Variants in GMCL1 observed in about 807,000 individuals in gnomAD.
The protein encoded by GMCL1 is germ cell-less protein-like 1.
GMCL1 carries 54 observed loss-of-function variants against 75.5 expected under a neutral mutation model. The observed-to-expected ratio is 0.71, with a 90% CI of 0.57 to 0.90. The LOEUF is 0.90. GMCL1 is among the 40% of genes least tolerant of loss of function. GMCL1 has a pLI of 0.00. For missense variants in GMCL1, 537 were observed against 622.7 expected (o/e 0.86, Z 1.47); for synonymous variants, 210 against 209.6 (o/e 1.00, Z -0.02).
At chr2:69,843,036 CTTTCT>C (rs2103962420) in intron 4 of GMCL1, 108 bp from the exon 5 acceptor site, 1 of 282,906 alleles carries the variant, frequency 3.5e-6, no homozygotes, top group Non-Finnish European at 6.4e-6. Context: ...AATGAGTTTT[CTTTCT>C]TTTCTTTCTT....
intron 13 of GMCL1, among the ~76,000 whole-genome samples, chr2:69,874,541 G>A (rs1045718276): frequency 8.6e-5 from 13 of 151,720 alleles, no homozygotes; most frequent in Non-Finnish European, 1.2e-4. Flanking sequence ...GAGCCACCGC[G>A]CCTGGCCCTT....
At chr2:69,878,691 T>C (rs559518746) in intron 13 of GMCL1, among the ~76,000 whole-genome samples, 1 of 152,326 alleles carries the variant, frequency 6.6e-6, no homozygotes, top group Admixed American at 6.5e-5. Context: ...TATTATCTCT[T>C]GTAATCCTCC....
At chr2:69,862,888 A>C in intron 10 of GMCL1, among the ~76,000 whole-genome samples, 1 of 152,222 alleles carries the variant, frequency 6.6e-6, no homozygotes, top group East Asian at 1.9e-4. Flanking sequence ...GGAATTCAGA[A>C]CTGAAGCATT....
rs765730017 is a variant in GMCL1 at position 69,829,938 on chromosome 2, C to T, written c.46C>T (p.Leu16Phe). The T allele has an allele frequency of 1.2e-6, 2 of 1,603,780 alleles. No individual in the cohort carries two copies. Among genetic ancestry groups the T allele is most frequent in the Non-Finnish European group, 1.7e-6 (2 of 1,175,376 alleles). The change falls in exon 1 of 14, where the codon CTT becomes TTT. Residue 16 changes from leucine to phenylalanine, a missense_variant. This residue lies in a region of GMCL1 where 144 missense variants were observed against 127.2 expected (regional missense o/e 1.13). Transcript: ENST00000282570. ...GGTGCTGCGCCAGCCAAGACCAGCC[C>T]TTGCCCAGCAGGCGCAGGGTGCCAG... The part of the protein sequence containing the change: ...SRVLRQPRPA[L>F]AQQAQGARAG...
chr2:69,830,730 T>C (rs1055402846), intron 1 of GMCL1, among the ~76,000 whole-genome samples: 1 of 151,416 alleles, frequency 6.6e-6, no homozygotes, highest in Non-Finnish European at 1.5e-5. Flanking sequence ...ATGTACTGTA[T>C]GTAGGGCGGT....
At chr2:69,839,305 G>A in intron 2 of GMCL1, 152 bp from the exon 3 acceptor site, 1 of 516,422 alleles carries the variant, frequency 1.9e-6, no homozygotes, top group East Asian at 2.9e-5. Context: ...CTTTTCTCCT[G>A]TGGACATATT....
At chr2:69,877,517 C>T (rs1451982601) in intron 13 of GMCL1, among the ~76,000 whole-genome samples, 1 of 152,174 alleles carries the variant, frequency 6.6e-6, no homozygotes, top group Non-Finnish European at 1.5e-5. Flanking sequence ...TGTGCCTTCA[C>T]CCAGATTATT....
In GMCL1 at chr2:69,859,870, G is replaced by A. The variant is rs146731272; in HGVS notation, c.1073-1408G>A. ...ACAATCCAGATTTTAATTGCACTAC[G>A]ATTTCTACCCCTCTTTTACATAGAG... On this transcript the variant is annotated intron_variant, in intron 9 of 13. Transcript: ENST00000282570. 4.5e-3 allele frequency among the ~76,000 whole-genome samples: 685 copies of A among 151,624 alleles called. 7 individuals carry two copies. Among genetic ancestry groups the A allele is most frequent in the African/African-American group, 0.014 (586 of 41,314 alleles).
chr2:69,866,305 G>C (rs1032276962), intron 11 of GMCL1, among the ~76,000 whole-genome samples: 2 of 150,480 alleles, frequency 1.3e-5, no homozygotes, highest in Non-Finnish European at 3.0e-5. Flanking sequence ...ATCCACTAAT[G>C]AGACATGAAC....
chr2:69,852,273 G>C (rs1558543211), intron 8 of GMCL1, among the ~76,000 whole-genome samples: 1 of 152,188 alleles, frequency 6.6e-6, no homozygotes, highest in Non-Finnish European at 1.5e-5. Flanking sequence ...AGAAACTAGA[G>C]AAGCAAGCTG....
chr2:69,837,156 A>G (rs898108176), intron 1 of GMCL1, among the ~76,000 whole-genome samples: 4 of 152,196 alleles, frequency 2.6e-5, no homozygotes, highest in African/African-American at 4.8e-5. Context: ...TTATTGCGCT[A>G]TTTGAGCTCC....
At chr2:69,856,655 T>G (rs1431544841) in intron 9 of GMCL1, among the ~76,000 whole-genome samples, 2 of 146,710 alleles carry the variant, frequency 1.4e-5, no homozygotes, top group African/African-American at 5.0e-5. Context: ...TTTTTTTTTT[T>G]TTTTTTTTTT....
chr2:69,842,958 T>C (rs888722703), intron 4 of GMCL1, 191 bp from the exon 5 acceptor site: 6 of 371,080 alleles, frequency 1.6e-5, no homozygotes, highest in African/African-American at 1.1e-4. Flanking sequence ...GAATACTTGC[T>C]GAACTTTTTT....
intron 6 of GMCL1, chr2:69,844,835 C>T (rs1388174274): frequency 2.6e-6 from 1 of 378,218 alleles, no homozygotes; most frequent in Non-Finnish European, 5.6e-6. Flanking sequence ...TCACCGTCAC[C>T]TCCTGGTACA....
chr2:69,837,693 T>A, intron 2 of GMCL1, 23 bp downstream of exon 2: 1 of 1,589,496 alleles, frequency 6.3e-7, no homozygotes, highest in Non-Finnish European at 8.5e-7. Context: ...TCTATTTGAG[T>A]AACAGGGTAG....
chr2:69,846,700 C>T (rs950176989), intron 6 of GMCL1, among the ~76,000 whole-genome samples: 4 of 152,184 alleles, frequency 2.6e-5, no homozygotes, highest in African/African-American at 9.7e-5. Flanking sequence ...ATCATTTTCA[C>T]TCTAAATAAC....
chr2:69,850,311 G>A (rs1573354233), intron 8 of GMCL1, among the ~76,000 whole-genome samples: 2 of 152,268 alleles, frequency 1.3e-5, no homozygotes, highest in East Asian at 1.9e-4. Context: ...TCTGTGCAAA[G>A]GAGGGCATGC....
intron 13 of GMCL1, among the ~76,000 whole-genome samples, chr2:69,875,338 A>T (rs1344081436): frequency 6.6e-6 from 1 of 152,154 alleles, no homozygotes; most frequent in African/African-American, 2.4e-5. Context: ...TTTCTTTGTT[A>T]TGAAGACAAG....
intron 11 of GMCL1, among the ~76,000 whole-genome samples, chr2:69,865,404 T>G (rs1376548099): frequency 6.6e-6 from 1 of 152,130 alleles, no homozygotes; most frequent in Non-Finnish European, 1.5e-5. Flanking sequence ...TCCCAGCACT[T>G]TGGAAGGCTG....
Sources: allele counts gnomAD v4.1 joint callset (sites outside exome capture counted in the v4.1 genomes callset), GRCh38; gene constraint gnomAD v4.1.1; regional missense constraint gnomAD v4.1.1; transcripts MANE v1.5; gene names NCBI Gene and HGNC (gene_info 2026-07-23, HGNC 2026-07-21).